The following LACTB2 variants were observed in gnomAD, a reference collection of about 807,000 sequenced individuals.
The protein encoded by LACTB2 is endoribonuclease LACTB2.
A neutral mutation model predicts 34.8 loss-of-function variants in LACTB2; 32 were observed. The observed-to-expected ratio is 0.92, with a 90% CI of 0.69 to 1.24. The LOEUF (loss-of-function observed/expected upper bound fraction) is 1.24, where lower values mean the gene tolerates loss of function less well. Ranked by LOEUF, LACTB2 falls within the 50% of genes most tolerant of loss-of-function variation. LACTB2 has a pLI of 0.00. For missense variants in LACTB2, 320 were observed against 345.0 expected (o/e 0.93, Z 0.57); for synonymous variants, 120 against 117.5 (o/e 1.02, Z -0.14).
At chr8:70,647,153 A>G (rs1818273449) in intron 3 of LACTB2, among the ~76,000 whole-genome samples, 1 of 152,112 alleles carries the variant, frequency 6.6e-6, no homozygotes, top group South Asian at 2.1e-4. Context: ...TATGGTTTAA[A>G]TTATATTTTA....
intron 1 of LACTB2, among the ~76,000 whole-genome samples, chr8:70,663,848 G>C (rs567329349): frequency 1.3e-5 from 2 of 151,624 alleles, no homozygotes; most frequent in South Asian, 4.2e-4. Flanking sequence ...TTTTTTTATT[G>C]CCTATTTCCA....
At chr8:70,641,968 CT>C (rs1191027466) in intron 4 of LACTB2, among the ~76,000 whole-genome samples, 2 of 152,154 alleles carry the variant, frequency 1.3e-5, no homozygotes, top group African/African-American at 4.8e-5. Context: ...GAGGAAACCA[CT>C]ACCTACTTTA....
chr8:70,646,655 T>C (rs540157582), intron 3 of LACTB2: 114 of 152,324 alleles, frequency 7.5e-4, no homozygotes, highest in African/African-American at 2.6e-3. Context: ...TTTTAAAGTA[T>C]GACAGGTATT....
intron 2 of LACTB2, chr8:70,660,382 C>G (rs1292900883): frequency 2.8e-6 from 1 of 353,488 alleles, no homozygotes; most frequent in Admixed American, 3.9e-5. Flanking sequence ...GGTACACAGT[C>G]CCCTTAGATT....
chr8:70,643,819 G>A (rs1053177704), intron 4 of LACTB2, among the ~76,000 whole-genome samples: 5 of 152,040 alleles, frequency 3.3e-5, no homozygotes, highest in Non-Finnish European at 5.9e-5. Flanking sequence ...GGCCTTATAT[G>A]TTATCTCTTC....
At chr8:70,660,522 C>A (rs1332984668) in intron 2 of LACTB2, 1 of 432,930 alleles carries the variant, frequency 2.3e-6, no homozygotes, top group Non-Finnish European at 4.7e-6. Context: ...CAGATCTTTA[C>A]AAATGTTTAA....
intron 3 of LACTB2, chr8:70,654,080 C>G (rs1317364205): frequency 6.6e-6 from 1 of 152,136 alleles, no homozygotes; most frequent in Non-Finnish European, 1.5e-5. Flanking sequence ...CACTTACCCC[C>G]CTCCACAAAA....
intron 1 of LACTB2, 25 bp downstream of exon 1, chr8:70,668,974 G>A: frequency 6.4e-7 from 1 of 1,566,150 alleles, no homozygotes; most frequent in Non-Finnish European, 8.7e-7. Context: ...TGCGAACGTT[G>A]GGGAGGTTGG....
At chr8:70,666,785 G>A (rs1321290002) in intron 1 of LACTB2, among the ~76,000 whole-genome samples, 1 of 152,122 alleles carries the variant, frequency 6.6e-6, no homozygotes, top group East Asian at 1.9e-4. Flanking sequence ...TGTCAGGAAG[G>A]GTATTTAGGC....
chr8:70,653,347 G>A (rs1277749093), intron 3 of LACTB2, among the ~76,000 whole-genome samples: 2 of 152,006 alleles, frequency 1.3e-5, no homozygotes, highest in African/African-American at 4.8e-5. Flanking sequence ...CGCCTGCCTT[G>A]GCCTCCCAAA....
intron 3 of LACTB2, among the ~76,000 whole-genome samples, chr8:70,655,232 T>C (rs954597403): frequency 4.1e-3 from 623 of 152,118 alleles, no homozygotes; most frequent in Non-Finnish European, 7.0e-3. Context: ...TTTTTTTTTT[T>C]TTTTGAGAGG....
At position 70,661,766 on chromosome 8, in the gene LACTB2, C is replaced by T. The variant is rs1401537402; in HGVS notation, c.254G>A (p.Gly85Asp). ...VTHWHRDHSG[G>D]IGDICKSINN... ...GATGCTTTTACAAATATCTCCTATG[C>T]CTCCAGAATGATCTCGGTGCCAGTG... Residue 85 changes from glycine (G) to aspartate (D), a missense_variant, in exon 2 of 7, where the codon GGC becomes GAC. Gly to Asp is a moderately conservative substitution (Grantham distance 94). Coordinates refer to ENST00000276590, the MANE Select transcript of LACTB2 (RefSeq NM_016027.3). 3.7e-6 allele frequency: 6 copies of T among 1,612,560 alleles called. No individual in the cohort carries two copies. Among genetic ancestry groups the T allele is most frequent in the Middle Eastern group, 1.7e-4 (1 of 6,058 alleles).
Position 70,661,911 on chromosome 8 carries a change from G to A in LACTB2, c.123-14C>T. On this transcript the variant is annotated splice_polypyrimidine_tract_variant and intron_variant, in intron 1 of 6. Transcript: ENST00000276590. ...ATGAGGATTCTCCTGAAAATTAAATGGAAGATAATCACACAATTGGAACAC... is the reference window on the plus strand; with the variant it reads ...ATGAGGATTCTCCTGAAAATTAAATAGAAGATAATCACACAATTGGAACAC... The A allele has an allele frequency of 1.3e-6, 2 of 1,585,892 alleles. No homozygotes were observed. Among genetic ancestry groups the A allele is most frequent in the South Asian group, 1.2e-5 (1 of 86,692 alleles).
chr8:70,666,386 A>G (rs1272883988), intron 1 of LACTB2, among the ~76,000 whole-genome samples: 1 of 152,222 alleles, frequency 6.6e-6, no homozygotes, highest in Non-Finnish European at 1.5e-5. Context: ...ACTGTGCTCT[A>G]AAGGATGAAT....
intron 3 of LACTB2, among the ~76,000 whole-genome samples, chr8:70,647,767 A>G (rs1818281631): frequency 6.6e-6 from 1 of 152,138 alleles, no homozygotes; most frequent in Non-Finnish European, 1.5e-5. Flanking sequence ...TGGAGGGTGA[A>G]GTGGAAGGAA....
At position 70,643,208 on chromosome 8, in the gene LACTB2, CTTTTTTTTTTT is replaced by C. The variant is rs66482767; in HGVS notation, c.592+846_592+856del. Among the ~76,000 whole-genome samples the C allele has an allele frequency of 5.2e-3, 394 of 76,142 alleles. 1 individual carries two copies. The highest frequency in any genetic ancestry group is 0.017 in the African/African-American group (379 of 22,236). 50.0% of individuals were successfully genotyped at this position (76,142 alleles called of 152,430 possible). On this transcript the variant is annotated intron_variant, in intron 4 of 6. Coordinates refer to ENST00000276590, the MANE Select transcript of LACTB2 (RefSeq NM_016027.3). ...AGACAGGACTTAGGGGTGTATTTTC[CTTTTTTTTTTT>C]TTTTTTTTTTTTTTTTTTTTTTGAG... is the stretch of plus-strand genomic sequence containing the variant.
At chr8:70,650,868 A>T (rs1818333821) in intron 3 of LACTB2, among the ~76,000 whole-genome samples, 1 of 151,958 alleles carries the variant, frequency 6.6e-6, no homozygotes, top group South Asian at 2.1e-4. Context: ...TAACAAAGAG[A>T]ATCCAAAAGC....
At chr8:70,661,973 T>C in intron 1 of LACTB2, 76 bp from the exon 2 acceptor site, 1 of 1,302,194 alleles carries the variant, frequency 7.7e-7, no homozygotes, top group Non-Finnish European at 1.0e-6. Context: ...CACAGATAAT[T>C]TACATTAAAG....
At chr8:70,648,769 CT>C (rs1270958961) in intron 3 of LACTB2, among the ~76,000 whole-genome samples, 1 of 152,100 alleles carries the variant, frequency 6.6e-6, no homozygotes, top group Non-Finnish European at 1.5e-5. Context: ...CTATAGTCAA[CT>C]CCTCTGAGTT....
Sources: allele counts gnomAD v4.1 joint callset (sites outside exome capture counted in the v4.1 genomes callset), GRCh38; gene constraint gnomAD v4.1.1; transcripts MANE v1.5; gene names NCBI Gene and HGNC (gene_info 2026-07-23, HGNC 2026-07-21).